The following RNF213 variants were observed in gnomAD, a reference collection of about 807,000 sequenced individuals.
The protein encoded by RNF213 is ring finger protein 213.
RNF213 carries 341 observed loss-of-function variants against 514.4 expected under a neutral mutation model. That is an observed-to-expected ratio of 0.66 (90% CI 0.61 to 0.73). RNF213 has a LOEUF of 0.73. Among genes scored for constraint, RNF213 ranks in the 30% least tolerant of loss-of-function variants. The probability of loss-of-function intolerance (pLI) is 0.00; values close to 1 mark genes in which losing one functional copy is unlikely to be tolerated. For synonymous variants in RNF213, 2,655 were observed against 2,658.2 expected (o/e 1.00, Z 0.04); for missense variants, 5,767 against 6,615.6 (o/e 0.87, Z 4.45).
chr17:80,263,077 C>T lies in RNF213; in HGVS notation c.-108-497C>T, dbSNP rs1392357343. On this transcript the variant is annotated intron_variant, in intron 1 of 67. Transcript: ENST00000582970. This position sits in a 1 kb window ranked among gnomAD's most constrained non-coding sequence, Gnocchi z 4.9. Reference sequence around the variant, plus strand: ...AGAAGTGACCCCGGAGGCCTGAGTCCTGGCCTTGGTCTGGTTTGATGCCAT... The same window carrying T: ...AGAAGTGACCCCGGAGGCCTGAGTCTTGGCCTTGGTCTGGTTTGATGCCAT... Among the ~76,000 whole-genome samples the T allele has an allele frequency of 6.6e-6, 1 of 152,202 alleles. No individual in the cohort carries two copies. The highest frequency in any genetic ancestry group is 1.5e-5 in the Non-Finnish European group (1 of 68,026).
At chr17:80,325,244 G>A (rs150847252) in intron 18 of RNF213, 46 bp downstream of exon 18, 50,646 of 1,486,196 alleles carry the variant, frequency 0.034, 1,045 homozygotes, top group Non-Finnish European at 0.04. Flanking sequence ...GCAAGGTGGT[G>A]TCTTCCTGAT....
chr17:80,339,052 G>A (rs2078071176), intron 25 of RNF213, 149 bp from the exon 26 acceptor site: 1 of 574,066 alleles, frequency 1.7e-6, no homozygotes, highest in Non-Finnish European at 3.0e-6. Flanking sequence ...GGGTTGTGTA[G>A]ATGAGGAGGG....
intron 3 of RNF213, among the ~76,000 whole-genome samples, chr17:80,280,112 C>A (rs181503291): frequency 7.7e-6 from 1 of 130,534 alleles, no homozygotes; most frequent in African/African-American, 3.9e-5. Context: ...TGGGGCTTGG[C>A]CGTGAGCCCA....
chr17:80,319,027 G>A (rs533662092), intron 16 of RNF213, among the ~76,000 whole-genome samples, 163 bp from the exon 17 acceptor site: 4 of 152,174 alleles, frequency 2.6e-5, no homozygotes, highest in African/African-American at 4.8e-5. Context: ...GTCTACTGGT[G>A]GGGGGCAGGG....
chr17:80,376,484 G>A lies in RNF213; in HGVS notation c.13369G>A (p.Gly4457Arg). 6.2e-7 allele frequency: 1 copy of A among 1,614,112 alleles called. No individual in the cohort carries two copies. Among genetic ancestry groups the A allele is most frequent in the Non-Finnish European group, 8.5e-7 (1 of 1,179,992 alleles). ...TCATGCTGCAGCCGTCCTTCTGTGT[G>A]GACAGAATGAACTCTTGGAGCCCCT... is the stretch of plus-strand genomic sequence containing the variant. ...AIHAAAVLLC[G>R]QNELLEPLKN... is the part of the protein sequence containing the mutation. The change falls in exon 52 of 68, where the codon GGA (glycine) becomes AGA (arginine). Residue 4457 changes from glycine (G) to arginine (R), a missense_variant. Gly to Arg is a moderately radical substitution (Grantham distance 125). Coordinates refer to ENST00000582970, the MANE Select transcript of RNF213 (RefSeq NM_001256071.3).
At position 80,377,788 on chromosome 17, in the gene RNF213, G is replaced by C; in HGVS notation, c.13537G>C (p.Val4513Leu). The C allele has an allele frequency of 6.2e-7, 1 of 1,614,142 alleles. No individual in the cohort carries two copies. Among genetic ancestry groups the C allele is most frequent in the African/African-American group, 1.3e-5 (1 of 75,016 alleles). The change falls in exon 54 of 68, where the codon GTG (valine) becomes CTG (leucine). Residue 4513 changes from valine (V) to leucine (L), a missense_variant. Around this residue, in one of 13 missense-constraint regions of RNF213, gnomAD observed 1,245 missense variants for 1,339.0 expected, o/e 0.93. Coordinates refer to ENST00000582970, the MANE Select transcript of RNF213 (RefSeq NM_001256071.3). The surrounding 1 kb of genome is among the most constrained non-coding windows in gnomAD (Gnocchi z 4.1). ...TTGTCCCAACGGCCATCCTTGCTCC[G>C]TGGGAGAGGTGAGTCTTGGTATTTA... The part of the protein sequence containing the change: ...YTCPNGHPCS[V>L]GECGRPMEQS...
rs188589541 is a variant in RNF213, at chr17:80,322,586, A to T, written c.3025-2444A>T. ...GCGAGACTCTGTCTCAAAAAAAAAA[A>T]TTTTTTTTCGTAGAGACAGGGTCTT... is the stretch of plus-strand genomic sequence containing the variant. On this transcript the variant is annotated intron_variant, in intron 17 of 67. Coordinates refer to ENST00000582970, the MANE Select transcript of RNF213 (RefSeq NM_001256071.3). Among the ~76,000 whole-genome samples, 1,262 of 150,622 alleles carry T rather than the reference A, an allele frequency of 8.4e-3. 23 individuals are homozygous for T. The highest frequency in any genetic ancestry group is 0.027 in the African/African-American group (1,091 of 40,530).
rs1214608935 is a variant in RNF213, at chr17:80,355,619, G to A, written c.10862+1043G>A. On this transcript the variant is annotated intron_variant, in intron 36 of 67. Transcript: ENST00000582970. ...TTACAGGGGAAGAAGCGGGGTGAGTGGGAATGGGGGCTTACAGGGGAAGAA... is the reference window on the plus strand; with the variant it reads ...TTACAGGGGAAGAAGCGGGGTGAGTAGGAATGGGGGCTTACAGGGGAAGAA... Among the ~76,000 whole-genome samples the A allele has an allele frequency of 4.9e-4, 29 of 59,234 alleles. 4 individuals carry two copies. Among genetic ancestry groups the A allele is most frequent in the South Asian group, 6.6e-4 (1 of 1,522 alleles). 38.9% of individuals were successfully genotyped at this position (59,234 alleles called of 152,430 possible).
intron 63 of RNF213, among the ~76,000 whole-genome samples, chr17:80,387,317 G>A (rs1450625753): frequency 6.6e-6 from 1 of 152,240 alleles, no homozygotes; most frequent in Non-Finnish European, 1.5e-5. Flanking sequence ...ACGTTGCCCG[G>A]CTGGTCTCGA....
intron 2 of RNF213, among the ~76,000 whole-genome samples, chr17:80,269,092 A>G (rs1461797828): frequency 6.6e-6 from 1 of 152,190 alleles, no homozygotes; most frequent in Non-Finnish European, 1.5e-5. Context: ...GAGGAAGATG[A>G]AAGCCAGAAG....
chr17:80,386,533 T>C (rs554376730), intron 62 of RNF213, 103 bp downstream of exon 62: 1 of 1,436,574 alleles, frequency 7.0e-7, no homozygotes, highest in Non-Finnish European at 9.7e-7. Context: ...TAACAGACAC[T>C]CACTCCTTCA....
chr17:80,309,010 C>G lies in RNF213; in HGVS notation c.2502-8C>G, dbSNP rs755405100. ...TGCCGGGATTTCTCTTAACTCTTTGCGGGGCAGGATTCCCGAGGAGGCCTT... is the reference window on the plus strand; with the variant it reads ...TGCCGGGATTTCTCTTAACTCTTTGGGGGGCAGGATTCCCGAGGAGGCCTT... On this transcript the variant is annotated splice_region_variant and splice_polypyrimidine_tract_variant and intron_variant, in intron 13 of 67. Coordinates refer to ENST00000582970, the MANE Select transcript of RNF213 (RefSeq NM_001256071.3). 2 of 1,613,746 alleles carry G rather than the reference C, an allele frequency of 1.2e-6. No homozygotes were observed. The highest frequency in any genetic ancestry group is 2.2e-5 in the East Asian group (1 of 44,882).
chr17:80,391,041 AAC>A (rs761046561), intron 67 of RNF213, among the ~76,000 whole-genome samples: 53 of 152,150 alleles, frequency 3.5e-4, no homozygotes, highest in Non-Finnish European at 7.2e-4. Context: ...CAGCCTGGGC[AAC>A]AGAGGGAGAC....
intron 3 of RNF213, among the ~76,000 whole-genome samples, chr17:80,280,259 A>G (rs925772625): frequency 3.3e-5 from 5 of 152,184 alleles, no homozygotes; most frequent in African/African-American, 1.2e-4. Context: ...TAAAGGATGG[A>G]TTCATAGGCC....
At chr17:80,270,643 A>G (rs1166691634) in intron 2 of RNF213, among the ~76,000 whole-genome samples, 1 of 152,118 alleles carries the variant, frequency 6.6e-6, no homozygotes, top group Non-Finnish European at 1.5e-5. Context: ...AAGAGACCAC[A>G]TGTATGTGTA....
rs76918558 is a variant in RNF213 at position 80,347,169 on chromosome 17, G to A, written c.8834G>A (p.Arg2945His). 3.5e-5 allele frequency: 57 copies of A among 1,613,876 alleles called. No individual in the cohort carries two copies. In the East Asian group the frequency reaches 5.6e-4, roughly 16 times the overall value. The change falls in exon 29 of 68, where the codon CGC becomes CAC. Residue 2945 changes from arginine (R) to histidine (H), a missense_variant. Transcript: ENST00000582970. This position sits in a 1 kb window ranked among gnomAD's most constrained non-coding sequence, Gnocchi z 7.2. ...FAKAYETVCK[R>H]QDKEFFGLRD... ...AAAGCCTACGAAACGGTGTGTAAGCGCCAGGACAAGGAATTCTTCGGGCTT... is the reference window on the plus strand; with the variant it reads ...AAAGCCTACGAAACGGTGTGTAAGCACCAGGACAAGGAATTCTTCGGGCTT...
intron 2 of RNF213, among the ~76,000 whole-genome samples, chr17:80,268,975 G>A (rs1252310401): frequency 6.6e-6 from 1 of 152,152 alleles, no homozygotes; most frequent in East Asian, 1.9e-4. Flanking sequence ...CTGAAGACCC[G>A]AGATCCCCCT....
intron 3 of RNF213, among the ~76,000 whole-genome samples, chr17:80,281,893 T>G (rs1362429713): frequency 6.6e-6 from 1 of 152,088 alleles, no homozygotes; most frequent in African/African-American, 2.4e-5. Flanking sequence ...TTCTCTCTCT[T>G]TTGCCCAGGC....
In RNF213 at chr17:80,344,031, C is replaced by T. The variant is rs372793187; in HGVS notation, c.6342+16C>T. ...TTCAGCGCTGGTCTGTACTGTGGGG[C>T]GTTTTCGCCTGGCGTGGGGGGCTCT... On this transcript the variant is annotated intron_variant, in intron 28 of 67. Transcript: ENST00000582970. 1.9e-5 allele frequency: 31 copies of T among 1,607,158 alleles called. No individual in the cohort carries two copies. Among genetic ancestry groups the T allele is most frequent in the African/African-American group, 4.0e-5 (3 of 74,594 alleles).
Sources: allele counts gnomAD v4.1 joint callset (sites outside exome capture counted in the v4.1 genomes callset), GRCh38; gene constraint gnomAD v4.1.1; regional missense constraint gnomAD v4.1.1; non-coding constraint Gnocchi (gnomAD v3.1); transcripts MANE v1.5; gene names NCBI Gene and HGNC (gene_info 2026-07-23, HGNC 2026-07-21).